The following NECAB1 variants were observed in gnomAD, a reference collection of about 807,000 sequenced individuals.
NECAB1 encodes the protein N-terminal EF-hand calcium-binding protein 1.
A neutral mutation model predicts 57.5 loss-of-function variants in NECAB1; 29 were observed. That is an observed-to-expected ratio of 0.50 (90% CI 0.38 to 0.69). The LOEUF is 0.69. NECAB1 is among the 30% of genes least tolerant of loss of function. The pLI is 0.00. For missense variants in NECAB1, 372 were observed against 413.8 expected, an observed-to-expected ratio of 0.90 and a Z score of 0.88; for synonymous variants, 142 against 147.7, an observed-to-expected ratio of 0.96 and a Z score of 0.28.
rs946935251 is a variant in NECAB1, at chr8:90,886,193, G to C, written c.357+5063G>C. On this transcript the variant is annotated intron_variant, in intron 5 of 12. Coordinates refer to ENST00000417640, the MANE Select transcript of NECAB1 (RefSeq NM_022351.5). ...AGAATGAAATATATCCAAAGGAAAG[G>C]CTACTGTAGCTGAGAGAAGTAAGCA... Among the ~76,000 whole-genome samples the C allele has an allele frequency of 2.6e-5, 4 of 152,098 alleles. No homozygotes were observed. The South Asian group carries it at 6.2e-4, about 24-fold the overall frequency.
At chr8:90,841,342 A>T (rs1268296029) in intron 3 of NECAB1, among the ~76,000 whole-genome samples, 1 of 152,094 alleles carries the variant, frequency 6.6e-6, no homozygotes, top group Non-Finnish European at 1.5e-5. Context: ...TATCTTGGGC[A>T]GAGAGCCCTT....
At chr8:90,814,362 C>A (rs1250435473) in intron 2 of NECAB1, among the ~76,000 whole-genome samples, 2 of 152,114 alleles carry the variant, frequency 1.3e-5, no homozygotes, top group African/African-American at 2.4e-5. Flanking sequence ...CAGCTTTCTC[C>A]ACTGGAAAGT....
intron 6 of NECAB1, among the ~76,000 whole-genome samples, chr8:90,917,990 A>G (rs1383501838): frequency 7.6e-4 from 68 of 89,350 alleles, no homozygotes; most frequent in South Asian, 3.0e-4. Flanking sequence ...ATATATACAT[A>G]TATGTGTGTG....
chr8:90,914,745 C>T (rs1283645609), intron 5 of NECAB1, among the ~76,000 whole-genome samples: 1 of 152,178 alleles, frequency 6.6e-6, no homozygotes, highest in African/African-American at 2.4e-5. Flanking sequence ...CTGACTTTAA[C>T]TTTTCTTAAT....
chr8:90,879,603 G>A (rs1808801322), intron 4 of NECAB1, among the ~76,000 whole-genome samples: 1 of 152,024 alleles, frequency 6.6e-6, no homozygotes. Flanking sequence ...ACATAGTATA[G>A]ACTCAGTTCT....
intron 3 of NECAB1, among the ~76,000 whole-genome samples, chr8:90,849,657 T>G (rs987698386): frequency 2.0e-5 from 3 of 150,518 alleles, no homozygotes; most frequent in Non-Finnish European, 4.4e-5. Context: ...CCTAAAAAAC[T>G]AGTTTTTTTA....
At chr8:90,868,987 G>A (rs1176986363) in intron 3 of NECAB1, among the ~76,000 whole-genome samples, 1 of 152,232 alleles carries the variant, frequency 6.6e-6, no homozygotes, top group African/African-American at 2.4e-5. Flanking sequence ...GCTGCTCTGT[G>A]CAGCCTCAGG....
intron 6 of NECAB1, among the ~76,000 whole-genome samples, chr8:90,924,689 A>G (rs1462063563): frequency 6.6e-6 from 1 of 152,162 alleles, no homozygotes; most frequent in African/African-American, 2.4e-5. Context: ...TCCAGCTACC[A>G]TGTTCACATT....
intron 9 of NECAB1, chr8:90,940,478 C>T: frequency 7.6e-6 from 2 of 263,394 alleles, no homozygotes; most frequent in Non-Finnish European, 1.5e-5. Flanking sequence ...GGGCCCCACT[C>T]CCAGAGATTT....
chr8:90,881,049 CT>C lies in NECAB1; in HGVS notation c.278del (p.Leu93TrpfsTer8). 1 of 1,601,494 alleles carries C rather than the reference CT, an allele frequency of 6.2e-7. No homozygotes were observed. Among genetic ancestry groups the C allele is most frequent in the Non-Finnish European group, 8.5e-7 (1 of 1,173,694 alleles). ...ATTTTTCAGAATATTTTTCTCAGCA[CT>C]TGGGCGAGTATGAGAATGTACTAGC... The part of the protein sequence containing the change: ...EELCEYFSQH[L>X]GEYENVLAAL... On this transcript the variant is annotated frameshift_variant, in exon 5 of 13. Coordinates refer to ENST00000417640, the MANE Select transcript of NECAB1 (RefSeq NM_022351.5). LOFTEE classifies it high-confidence loss of function.
intron 3 of NECAB1, among the ~76,000 whole-genome samples, chr8:90,849,628 GTAT>G (rs1217841937): frequency 6.8e-6 from 1 of 146,470 alleles, no homozygotes; most frequent in Non-Finnish European, 1.5e-5. Flanking sequence ...TTTAGATATA[GTAT>G]TATTATAGCA....
At chr8:90,852,807 C>T (rs1218678061) in intron 3 of NECAB1, among the ~76,000 whole-genome samples, 1 of 152,232 alleles carries the variant, frequency 6.6e-6, no homozygotes, top group Admixed American at 6.5e-5. Context: ...GAGCCACTTT[C>T]ATCAGCAATA....
intron 3 of NECAB1, among the ~76,000 whole-genome samples, chr8:90,851,965 A>G (rs913540690): frequency 1.3e-5 from 2 of 152,074 alleles, no homozygotes; most frequent in African/African-American, 2.4e-5. Flanking sequence ...TTTGTTTTTA[A>G]GTGTTTCTTT....
chr8:90,814,087 C>A (rs1165648982), intron 2 of NECAB1, among the ~76,000 whole-genome samples: 1 of 152,196 alleles, frequency 6.6e-6, no homozygotes, highest in Non-Finnish European at 1.5e-5. Flanking sequence ...TCTCCTTAAG[C>A]TCCTCTTGGT....
chr8:90,808,571 T>G (rs571113544), intron 2 of NECAB1, among the ~76,000 whole-genome samples: 13 of 152,022 alleles, frequency 8.6e-5, no homozygotes, highest in Non-Finnish European at 1.8e-4. Context: ...GAAAGGTGCC[T>G]GGCCCTTAGG....
chr8:90,858,461 T>A (rs942720673), intron 3 of NECAB1, among the ~76,000 whole-genome samples: 1 of 152,212 alleles, frequency 6.6e-6, no homozygotes, highest in Non-Finnish European at 1.5e-5. Flanking sequence ...ATTCTCTATA[T>A]AAAGGGTTTT....
chr8:90,951,289 C>A, intron 12 of NECAB1, 85 bp downstream of exon 12: 1 of 730,946 alleles, frequency 1.4e-6, no homozygotes, highest in Non-Finnish European at 2.3e-6. Flanking sequence ...CTCTTTCCTT[C>A]TATATTTTAT....
At chr8:90,838,182 AAGTCTT>A (rs1431133258) in intron 3 of NECAB1, among the ~76,000 whole-genome samples, 1 of 152,226 alleles carries the variant, frequency 6.6e-6, no homozygotes, top group African/African-American at 2.4e-5. Flanking sequence ...AAAGTACAGT[AAGTCTT>A]CACTTTACAT....
chr8:90,893,862 A>T lies in NECAB1; in HGVS notation c.357+12732A>T, dbSNP rs1403305861. On this transcript the variant is annotated intron_variant, in intron 5 of 12. Coordinates refer to ENST00000417640, the MANE Select transcript of NECAB1 (RefSeq NM_022351.5). ...TGTAAAGAATGCTATTTTTTTTTTA[A>T]TTATAGTCAACATCAACTATTCTCA... Among the ~76,000 whole-genome samples the T allele has an allele frequency of 2.7e-5, 4 of 149,472 alleles. No individual in the cohort carries two copies. The East Asian group carries it at 5.8e-4, about 22-fold the overall frequency.
Sources: allele counts gnomAD v4.1 joint callset (sites outside exome capture counted in the v4.1 genomes callset), GRCh38; gene constraint gnomAD v4.1.1; transcripts MANE v1.5; gene names NCBI Gene and HGNC (gene_info 2026-07-23, HGNC 2026-07-21).